Variants in HOMER1 observed in about 807,000 individuals in gnomAD.
HOMER1 encodes homer protein homolog 1.
Under a neutral mutation model 48.9 loss-of-function variants are expected in HOMER1, and 3 were observed. That is an observed-to-expected ratio of 0.06 (90% CI 0.03 to 0.16). HOMER1 has a LOEUF of 0.16. HOMER1 is among the 10% of genes least tolerant of loss of function. HOMER1 has a pLI of 1.00. For missense variants in HOMER1, 247 were observed against 411.4 expected, an observed-to-expected ratio of 0.60 and a Z score of 3.46; for synonymous variants, 134 against 146.4, an observed-to-expected ratio of 0.92 and a Z score of 0.61.
At chr5:79,414,967 C>T (rs1749905716) in intron 5 of HOMER1, among the ~76,000 whole-genome samples, 1 of 152,160 alleles carries the variant, frequency 6.6e-6, no homozygotes, top group African/African-American at 2.4e-5. Context: ...CTAGGAAACA[C>T]AGTGTTTAGA....
chr5:79,496,944 T>C (rs1752437622), intron 1 of HOMER1, among the ~76,000 whole-genome samples: 1 of 150,666 alleles, frequency 6.6e-6, no homozygotes, highest in Non-Finnish European at 1.5e-5. Flanking sequence ...CATGCACCTG[T>C]AGTCCCAGCT....
intron 4 of HOMER1, among the ~76,000 whole-genome samples, chr5:79,440,683 T>A (rs1180775207): frequency 1.3e-5 from 2 of 152,220 alleles, no homozygotes; most frequent in Admixed American, 1.3e-4. Flanking sequence ...TTATGGACCA[T>A]ATTAATTAGT....
rs1378584590 is a variant in HOMER1, at chr5:79,386,125, AGG to A, written c.877-9930_877-9929del. ...AATCCCAATACTGGATATATGTCCAAGGGGAAATAAATCAGTACATCAAAGGG... is the reference window on the plus strand; with the variant it reads ...AATCCCAATACTGGATATATGTCCAAGGAAATAAATCAGTACATCAAAGGG... On this transcript the variant is annotated intron_variant, in intron 8 of 8. Coordinates refer to ENST00000334082, the MANE Select transcript of HOMER1 (RefSeq NM_004272.5). 8.5e-5 allele frequency among the ~76,000 whole-genome samples: 13 copies of A among 152,304 alleles called. No individual in the cohort carries two copies. The South Asian group carries it at 2.7e-3, about 32-fold the overall frequency.
intron 8 of HOMER1, among the ~76,000 whole-genome samples, chr5:79,395,474 A>C (rs1474843711): frequency 1.3e-5 from 2 of 152,208 alleles, no homozygotes; most frequent in African/African-American, 4.8e-5. Flanking sequence ...CTGGGCTTCA[A>C]AAGTGCCCCA....
chr5:79,496,364 G>A (rs1300403929), intron 1 of HOMER1, among the ~76,000 whole-genome samples: 3 of 152,100 alleles, frequency 2.0e-5, no homozygotes, highest in Admixed American at 6.5e-5. Context: ...CCCTGTCCCC[G>A]CAAAAACCTT....
At chr5:79,396,992 T>C in intron 7 of HOMER1, 89 bp from the exon 8 acceptor site, 1 of 684,776 alleles carries the variant, frequency 1.5e-6, no homozygotes, top group Non-Finnish European at 2.5e-6. Flanking sequence ...GTTCTAGTTC[T>C]TAGAAAAAGA....
At chr5:79,472,036 A>T (rs1751636116) in intron 1 of HOMER1, among the ~76,000 whole-genome samples, 1 of 152,182 alleles carries the variant, frequency 6.6e-6, no homozygotes, top group African/African-American at 2.4e-5. Flanking sequence ...ACTTATCACC[A>T]TCTGACACAC....
intron 8 of HOMER1, among the ~76,000 whole-genome samples, chr5:79,379,804 T>C (rs1357651420): frequency 6.6e-6 from 1 of 151,970 alleles, no homozygotes; most frequent in Admixed American, 6.6e-5. Context: ...GGCTCTGTTA[T>C]TTCCCTCTTT....
At chr5:79,402,490 A>G (rs889007878) in intron 5 of HOMER1, among the ~76,000 whole-genome samples, 2 of 152,112 alleles carry the variant, frequency 1.3e-5, no homozygotes, top group Admixed American at 1.3e-4. Flanking sequence ...TTCAAAGACA[A>G]CCTCAAAATA....
At chr5:79,489,444 T>C (rs964163284) in intron 1 of HOMER1, among the ~76,000 whole-genome samples, 1 of 151,946 alleles carries the variant, frequency 6.6e-6, no homozygotes, top group Non-Finnish European at 1.5e-5. Context: ...GTAATCTCAG[T>C]TACTTGGGAG....
chr5:79,421,720 T>G (rs1157196901), intron 5 of HOMER1, among the ~76,000 whole-genome samples: 2 of 151,822 alleles, frequency 1.3e-5, no homozygotes, highest in Non-Finnish European at 2.9e-5. Context: ...TTCTCCTGCC[T>G]CAGCCTCCCG....
chr5:79,417,915 G>A (rs1227924082), intron 5 of HOMER1, among the ~76,000 whole-genome samples: 1 of 152,174 alleles, frequency 6.6e-6, no homozygotes, highest in Non-Finnish European at 1.5e-5. Flanking sequence ...AGCTAAAATT[G>A]TGTGAAAAGA....
At chr5:79,397,342 A>G (rs923910229) in intron 7 of HOMER1, among the ~76,000 whole-genome samples, 185 bp downstream of exon 7, 9 of 152,198 alleles carry the variant, frequency 5.9e-5, no homozygotes, top group Admixed American at 4.6e-4. Flanking sequence ...ACCACAGTTC[A>G]TAATAACAGA....
At chr5:79,392,383 T>C (rs956032006) in intron 8 of HOMER1, among the ~76,000 whole-genome samples, 3 of 152,140 alleles carry the variant, frequency 2.0e-5, no homozygotes, top group Non-Finnish European at 4.4e-5. Flanking sequence ...CCCAACCTTG[T>C]GTAGGCATCA....
chr5:79,512,670 G>A, intron 1 of HOMER1, 100 bp downstream of exon 1: 3 of 1,135,602 alleles, frequency 2.6e-6, no homozygotes, highest in South Asian at 2.6e-5. Flanking sequence ...TTAGCAAGGT[G>A]GCAAGTTTGT....
chr5:79,452,031 C>T (rs914333382), intron 2 of HOMER1, among the ~76,000 whole-genome samples: 4 of 152,008 alleles, frequency 2.6e-5, no homozygotes, highest in East Asian at 1.9e-4. Flanking sequence ...AGATTGGTTC[C>T]GGGACCCCTA....
intron 5 of HOMER1, among the ~76,000 whole-genome samples, chr5:79,431,916 T>A (rs751723164): frequency 2.6e-5 from 4 of 152,218 alleles, no homozygotes; most frequent in Non-Finnish European, 4.4e-5. Flanking sequence ...AAGAACTGGA[T>A]CCAATCTTTA....
chr5:79,422,313 C>T (rs943321442), intron 5 of HOMER1, among the ~76,000 whole-genome samples: 6 of 152,012 alleles, frequency 3.9e-5, no homozygotes, highest in Non-Finnish European at 7.4e-5. Flanking sequence ...TAAATGCCTA[C>T]AGACTCAATA....
intron 1 of HOMER1, among the ~76,000 whole-genome samples, chr5:79,492,911 T>A (rs1417841504): frequency 2.4e-5 from 2 of 84,610 alleles, no homozygotes; most frequent in African/African-American, 1.5e-4. Context: ...CTTTGTCTTT[T>A]TTTTTTTTTT....
Sources: gnomAD v4.1 joint callset for allele counts (sites outside exome capture counted in the v4.1 genomes callset) on GRCh38, gnomAD v4.1.1 for gene constraint, MANE v1.5 for transcripts, NCBI Gene and HGNC (gene_info 2026-07-23, HGNC 2026-07-21) for gene names.